PRKAR2B: variants seen among roughly 807,000 people sequenced by gnomAD.
PRKAR2B encodes protein kinase cAMP-dependent type II regulatory subunit beta, also known as cAMP-dependent protein kinase type II-beta regulatory subunit.
Under a neutral mutation model 49.9 loss-of-function variants are expected in PRKAR2B, and 14 were observed. That is an observed-to-expected ratio of 0.28 (90% CI 0.19 to 0.44). The LOEUF (loss-of-function observed/expected upper bound fraction) is 0.44, where lower values mean the gene tolerates loss of function less well. Among genes scored for constraint, PRKAR2B ranks in the 20% least tolerant of loss-of-function variants. The pLI is 1.00. For synonymous variants in PRKAR2B, 196 were observed against 197.7 expected (o/e 0.99, Z 0.07); for missense variants, 393 against 537.9 (o/e 0.73, Z 2.67).
intron 2 of PRKAR2B, chr7:107,082,234 A>G (rs1794527631): frequency 6.6e-6 from 1 of 152,206 alleles, no homozygotes; most frequent in South Asian, 2.1e-4. Flanking sequence ...ATGTTGATAC[A>G]TTACCACTTA....
chr7:107,117,503 T>C (rs1269003835), intron 2 of PRKAR2B, among the ~76,000 whole-genome samples: 1 of 152,200 alleles, frequency 6.6e-6, no homozygotes, highest in Non-Finnish European at 1.5e-5. Context: ...CTTCAGCATA[T>C]ACTTACTGAG....
At chr7:107,094,417 A>T (rs913185980) in intron 2 of PRKAR2B, among the ~76,000 whole-genome samples, 3 of 152,232 alleles carry the variant, frequency 2.0e-5, no homozygotes, top group Non-Finnish European at 4.4e-5. Flanking sequence ...GCCCTTTGTC[A>T]GATGGGTAGG....
chr7:107,120,168 C>T (rs1244967433), intron 2 of PRKAR2B, among the ~76,000 whole-genome samples: 2 of 152,138 alleles, frequency 1.3e-5, no homozygotes, highest in Non-Finnish European at 1.5e-5. Context: ...AGCCTCGGTA[C>T]TGTTGACATT....
intron 2 of PRKAR2B, among the ~76,000 whole-genome samples, chr7:107,104,906 T>C (rs992661061): frequency 3.9e-5 from 6 of 152,192 alleles, no homozygotes; most frequent in African/African-American, 1.4e-4. Context: ...GTAGGAGTCC[T>C]TGTATAAGGA....
At chr7:107,129,878 C>T (rs1167197804) in intron 4 of PRKAR2B, among the ~76,000 whole-genome samples, 1 of 152,134 alleles carries the variant, frequency 6.6e-6, no homozygotes, top group Non-Finnish European at 1.5e-5. Context: ...GACCAGAGGT[C>T]ACTCTCGTCA....
intron 1 of PRKAR2B, among the ~76,000 whole-genome samples, chr7:107,049,266 G>A (rs1793757127): frequency 6.6e-6 from 1 of 152,212 alleles, no homozygotes; most frequent in African/African-American, 2.4e-5. Flanking sequence ...ATGGGCACAT[G>A]CAGAGCAGTC....
intron 1 of PRKAR2B, among the ~76,000 whole-genome samples, chr7:107,061,069 T>C (rs1177627642): frequency 1.3e-5 from 2 of 152,194 alleles, no homozygotes; most frequent in Non-Finnish European, 2.9e-5. Context: ...CATGTGAATG[T>C]ACTTCAAGCT....
intron 4 of PRKAR2B, among the ~76,000 whole-genome samples, chr7:107,139,348 C>T (rs562002139): frequency 6.6e-6 from 1 of 152,260 alleles, no homozygotes; most frequent in East Asian, 1.9e-4. Flanking sequence ...TCTAGGGCAC[C>T]AGTGTTCACA....
chr7:107,143,565 T>C (rs1455666303), intron 5 of PRKAR2B, among the ~76,000 whole-genome samples: 2 of 152,224 alleles, frequency 1.3e-5, no homozygotes, highest in African/African-American at 2.4e-5. Flanking sequence ...GTTAATGGTA[T>C]GTCTTATTTT....
intron 2 of PRKAR2B, among the ~76,000 whole-genome samples, chr7:107,070,803 G>A (rs1794250100): frequency 6.6e-6 from 1 of 152,106 alleles, no homozygotes; most frequent in African/African-American, 2.4e-5. Context: ...TTAAAATGCA[G>A]GTATAAGAAC....
chr7:107,139,515 T>C (rs1795755527), intron 4 of PRKAR2B, among the ~76,000 whole-genome samples: 1 of 152,218 alleles, frequency 6.6e-6, no homozygotes, highest in Admixed American at 6.5e-5. Flanking sequence ...ATCAGTCCGC[T>C]TGTCTTTAGC....
chr7:107,102,105 G>A (rs537177660), intron 2 of PRKAR2B, among the ~76,000 whole-genome samples: 2 of 152,262 alleles, frequency 1.3e-5, no homozygotes, highest in African/African-American at 4.8e-5. Context: ...TACTCTGGAG[G>A]CTGAGGCAGA....
chr7:107,058,789 C>T (rs1793964648), intron 1 of PRKAR2B, among the ~76,000 whole-genome samples: 2 of 152,116 alleles, frequency 1.3e-5, no homozygotes, highest in Non-Finnish European at 2.9e-5. Context: ...ACATTTTGAA[C>T]TAATTTGGTT....
At chr7:107,157,125 T>C in intron 9 of PRKAR2B, 61 bp from the exon 10 acceptor site, 1 of 1,606,886 alleles carries the variant, frequency 6.2e-7, no homozygotes, top group Non-Finnish European at 8.5e-7. Flanking sequence ...ATGTTTAGAC[T>C]GAGGTTAATT....
intron 2 of PRKAR2B, among the ~76,000 whole-genome samples, chr7:107,114,324 C>CTGTATGTGTG (rs1373642018): frequency 7.6e-5 from 10 of 130,874 alleles, no homozygotes; most frequent in African/African-American, 2.5e-4. Flanking sequence ...GCATGTACAG[C>CTGTATGTGTG]TGTGTGTGTG....
intron 4 of PRKAR2B, among the ~76,000 whole-genome samples, chr7:107,134,012 G>T (rs1795650452): frequency 6.6e-6 from 1 of 151,808 alleles, no homozygotes; most frequent in African/African-American, 2.4e-5. Flanking sequence ...TAGACATACT[G>T]TTATGCCCTG....
Position 107,153,268 on chromosome 7 carries a change from T to C in PRKAR2B, c.918+17T>C, listed in dbSNP as rs758079963. On this transcript the variant is annotated intron_variant, in intron 8 of 10. Coordinates refer to ENST00000265717, the MANE Select transcript of PRKAR2B (RefSeq NM_002736.3). ...ATTGCTCAGGTATGATATTTTGAAATGTAATTCAGTTTAGGGTTATATTCC... is the reference window on the plus strand; with the variant it reads ...ATTGCTCAGGTATGATATTTTGAAACGTAATTCAGTTTAGGGTTATATTCC... 5.7e-6 allele frequency: 9 copies of C among 1,576,934 alleles called. No homozygotes were observed. In the African/African-American group the frequency reaches 1.1e-4, roughly 19 times the overall value.
At chr7:107,058,031 T>G (rs1165313113) in intron 1 of PRKAR2B, among the ~76,000 whole-genome samples, 1 of 151,472 alleles carries the variant, frequency 6.6e-6, no homozygotes, top group East Asian at 1.9e-4. Flanking sequence ...CCATTTGAAA[T>G]TTGAGGTAAA....
intron 5 of PRKAR2B, among the ~76,000 whole-genome samples, 196 bp from the exon 6 acceptor site, chr7:107,146,112 T>G (rs762647260): frequency 8.5e-5 from 13 of 152,138 alleles, no homozygotes; most frequent in Non-Finnish European, 1.8e-4. Flanking sequence ...TTCCAAATTT[T>G]TATTGTTTAG....
Sources: gnomAD v4.1 joint callset for allele counts (sites outside exome capture counted in the v4.1 genomes callset) on GRCh38, gnomAD v4.1.1 for gene constraint, MANE v1.5 for transcripts, NCBI Gene and HGNC (gene_info 2026-07-23, HGNC 2026-07-21) for gene names.